The following ARHGAP42 variants were observed in gnomAD, a reference collection of about 807,000 sequenced individuals.
ARHGAP42 encodes the protein rho GTPase-activating protein 42.
ARHGAP42 carries 63 observed loss-of-function variants against 125.0 expected under a neutral mutation model. That is an observed-to-expected ratio of 0.50 (90% CI 0.41 to 0.62). The LOEUF is 0.62. Ranked by LOEUF, ARHGAP42 falls within the 20% of genes least tolerant of loss-of-function variation. The pLI is 0.00. For synonymous variants in ARHGAP42, 339 were observed against 351.0 expected, an observed-to-expected ratio of 0.97 and a Z score of 0.38; for missense variants, 766 against 1,024.2, an observed-to-expected ratio of 0.75 and a Z score of 3.44.
chr11:100,695,363 G>A lies in ARHGAP42; in HGVS notation c.154+7531G>A, dbSNP rs1383837366. Among the ~76,000 whole-genome samples, 18 of 152,226 alleles carry A rather than the reference G, an allele frequency of 1.2e-4. 1 individual carries two copies. Among genetic ancestry groups the A allele is most frequent in the Admixed American group, 1.0e-3 (16 of 15,300 alleles). ...TTGATGCCCAGGTTGGAATGCAATC[G>A]CACGATCTCAGCTCACCGCAACCTC... On this transcript the variant is annotated intron_variant, in intron 1 of 23. Transcript: ENST00000298815.
intron 4 of ARHGAP42, among the ~76,000 whole-genome samples, chr11:100,898,006 A>G (rs966078085): frequency 6.6e-6 from 1 of 152,188 alleles, no homozygotes. Context: ...TTATTTTGAG[A>G]TACATCCCAT....
At chr11:100,734,345 T>C (rs753447004) in intron 1 of ARHGAP42, among the ~76,000 whole-genome samples, 2 of 152,086 alleles carry the variant, frequency 1.3e-5, no homozygotes, top group African/African-American at 2.4e-5. Flanking sequence ...AATGGCACAA[T>C]CTTGGCTCAC....
At chr11:100,894,277 T>C (rs997890591) in intron 4 of ARHGAP42, among the ~76,000 whole-genome samples, 7 of 152,198 alleles carry the variant, frequency 4.6e-5, no homozygotes, top group Admixed American at 1.3e-4. Context: ...TAGACTTTCA[T>C]GAGCTGTGTG....
At chr11:100,940,167 T>C (rs1329771660) in intron 8 of ARHGAP42, among the ~76,000 whole-genome samples, 1 of 152,122 alleles carries the variant, frequency 6.6e-6, no homozygotes, top group African/African-American at 2.4e-5. Flanking sequence ...AAATCTGGAG[T>C]GGCTTAAGTA....
intron 1 of ARHGAP42, among the ~76,000 whole-genome samples, chr11:100,693,073 C>G (rs1272600823): frequency 6.6e-6 from 1 of 151,896 alleles, no homozygotes; most frequent in African/African-American, 2.4e-5. Flanking sequence ...CCCATAGTTA[C>G]TGCCCTATTT....
At chr11:100,816,168 A>C (rs1377190804) in intron 3 of ARHGAP42, among the ~76,000 whole-genome samples, 1 of 152,214 alleles carries the variant, frequency 6.6e-6, no homozygotes, top group African/African-American at 2.4e-5. Flanking sequence ...TACAGTCCAG[A>C]AAGTAGTATT....
At chr11:100,817,323 G>A (rs934788196) in intron 3 of ARHGAP42, among the ~76,000 whole-genome samples, 1 of 152,152 alleles carries the variant, frequency 6.6e-6, no homozygotes, top group African/African-American at 2.4e-5. Flanking sequence ...CACTGGAGTG[G>A]TGTATTTACT....
intron 17 of ARHGAP42, among the ~76,000 whole-genome samples, chr11:100,971,721 C>T (rs1416600131): frequency 2.0e-5 from 3 of 152,002 alleles, no homozygotes; most frequent in Non-Finnish European, 4.4e-5. Context: ...AGCAAGAGTG[C>T]CTAAAGCTAA....
intron 3 of ARHGAP42, among the ~76,000 whole-genome samples, chr11:100,858,117 G>GTGTT (rs1555012597): frequency 1.6e-4 from 22 of 134,654 alleles, no homozygotes; most frequent in African/African-American, 3.8e-4. Context: ...GTGTGTGTGT[G>GTGTT]TGTGTGTTTA....
chr11:100,736,381 A>G (rs1862068764), intron 1 of ARHGAP42, among the ~76,000 whole-genome samples: 1 of 152,178 alleles, frequency 6.6e-6, no homozygotes, highest in Non-Finnish European at 1.5e-5. Flanking sequence ...AACTTGGTGG[A>G]AATCCCCCTG....
chr11:100,881,298 C>T (rs1273418253), intron 4 of ARHGAP42, among the ~76,000 whole-genome samples: 1 of 152,148 alleles, frequency 6.6e-6, no homozygotes, highest in African/African-American at 2.4e-5. Context: ...TTACATGTGG[C>T]TTGCTAATTA....
intron 21 of ARHGAP42, among the ~76,000 whole-genome samples, chr11:100,977,311 C>A (rs150310909): frequency 6.6e-6 from 1 of 152,152 alleles, no homozygotes; most frequent in Non-Finnish European, 1.5e-5. Context: ...TCCATCTCTC[C>A]GCTGAAGAGA....
intron 3 of ARHGAP42, among the ~76,000 whole-genome samples, chr11:100,824,409 G>A (rs1182132249): frequency 6.6e-6 from 1 of 152,142 alleles, no homozygotes; most frequent in Non-Finnish European, 1.5e-5. Context: ...GACAGGAAAG[G>A]TTAAGAGAGA....
chr11:100,752,449 C>G (rs1313144709), intron 1 of ARHGAP42, among the ~76,000 whole-genome samples: 1 of 152,198 alleles, frequency 6.6e-6, no homozygotes, highest in Non-Finnish European at 1.5e-5. Flanking sequence ...GGCTTGCCAT[C>G]TGGATTCTTT....
At chr11:100,882,731 C>CT (rs1209616905) in intron 4 of ARHGAP42, among the ~76,000 whole-genome samples, 2 of 151,682 alleles carry the variant, frequency 1.3e-5, no homozygotes, top group East Asian at 3.9e-4. Flanking sequence ...TGGTCCTGGA[C>CT]TTTTTTTTGT....
At chr11:100,921,723 G>T (rs926346136) in intron 6 of ARHGAP42, 119 bp downstream of exon 6, 10 of 639,272 alleles carry the variant, frequency 1.6e-5, no homozygotes, top group South Asian at 1.4e-4. Flanking sequence ...AAATAAAAGG[G>T]GAGTGGGAAG....
At chr11:100,780,859 A>C (rs934313741) in intron 2 of ARHGAP42, among the ~76,000 whole-genome samples, 1 of 152,234 alleles carries the variant, frequency 6.6e-6, no homozygotes, top group Non-Finnish European at 1.5e-5. Flanking sequence ...GTGTAAAAAC[A>C]AAGCTAATTA....
At chr11:100,883,004 G>T in intron 4 of ARHGAP42, among the ~76,000 whole-genome samples, 1 of 152,058 alleles carries the variant, frequency 6.6e-6, no homozygotes, top group East Asian at 1.9e-4. Context: ...TCTTAATCTT[G>T]CTAATGTTCT....
At chr11:100,779,485 T>TATATATACAC (rs1312550660) in intron 2 of ARHGAP42, among the ~76,000 whole-genome samples, 1 of 81,442 alleles carries the variant, frequency 1.2e-5, no homozygotes, top group Non-Finnish European at 2.3e-5. Flanking sequence ...TATATATATA[T>TATATATACAC]ACACACACAC....
Sources: allele counts gnomAD v4.1 joint callset (sites outside exome capture counted in the v4.1 genomes callset), GRCh38; gene constraint gnomAD v4.1.1; transcripts MANE v1.5; gene names NCBI Gene and HGNC (gene_info 2026-07-23, HGNC 2026-07-21).